DOCK1: variants seen among roughly 807,000 people sequenced by gnomAD.
DOCK1 encodes dedicator of cytokinesis protein 1.
In DOCK1, 138 loss-of-function variants were observed where a neutral mutation model predicts 262.7. That is an observed-to-expected ratio of 0.53 (90% CI 0.46 to 0.61). The LOEUF (loss-of-function observed/expected upper bound fraction) is 0.61, where lower values mean the gene tolerates loss of function less well. Ranked by LOEUF, DOCK1 falls within the 20% of genes least tolerant of loss-of-function variation. The probability of loss-of-function intolerance (pLI) is 0.00; values close to 1 mark genes in which losing one functional copy is unlikely to be tolerated. For synonymous variants in DOCK1, 866 were observed against 867.4 expected, an observed-to-expected ratio of 1.00 and a Z score of 0.03; for missense variants, 1,908 against 2,370.7, an observed-to-expected ratio of 0.80 and a Z score of 4.05.
chr10:127,319,596 G>A (rs2062430573), intron 29 of DOCK1, among the ~76,000 whole-genome samples: 1 of 152,180 alleles, frequency 6.6e-6, no homozygotes, highest in South Asian at 2.1e-4. Flanking sequence ...GTAAAATGTG[G>A]AGTTACATGG....
chr10:126,947,281 ATGG>A (rs1282281654), intron 1 of DOCK1, among the ~76,000 whole-genome samples: 15 of 141,428 alleles, frequency 1.1e-4, no homozygotes, highest in African/African-American at 3.1e-4. Context: ...GTTGGTGGTG[ATGG>A]TGGTGGTTGG....
chr10:127,257,274 AG>A, intron 28 of DOCK1, 60 bp from the exon 29 acceptor site: 1 of 1,298,508 alleles, frequency 7.7e-7, no homozygotes, highest in Non-Finnish European at 1.1e-6. Context: ...AATTGACAGG[AG>A]GGTATCATGT....
At position 127,162,715 on chromosome 10, in the gene DOCK1, C is replaced by T. The variant is rs188201171; in HGVS notation, c.2847+34951C>T. On this transcript the variant is annotated intron_variant, in intron 27 of 51. Coordinates refer to ENST00000623213, the MANE Select transcript of DOCK1 (RefSeq NM_001290223.2). ...AGTTATTTCTACTTAGTGTTCTAAT[C>T]ATAGACCTTAATGGACTTTGCTACA... is the stretch of plus-strand genomic sequence containing the variant. Among the ~76,000 whole-genome samples the T allele has an allele frequency of 1.9e-3, 294 of 152,270 alleles. 1 individual carries two copies. Among genetic ancestry groups the T allele is most frequent in the African/African-American group, 6.5e-3 (269 of 41,556 alleles).
chr10:127,346,525 G>A lies in DOCK1; in HGVS notation c.3224+2779G>A, dbSNP rs1042148009. ...GTGGGAGGATTTCTTGAGCCCAGGG[G>A]GTCGGGGCTGCAGTGAGCCATGATC... On this transcript the variant is annotated intron_variant, in intron 31 of 51. Coordinates refer to ENST00000623213, the MANE Select transcript of DOCK1 (RefSeq NM_001290223.2). Among the ~76,000 whole-genome samples, 5 of 152,276 alleles carry A rather than the reference G, an allele frequency of 3.3e-5. No homozygotes were observed. The East Asian group carries it at 9.7e-4, about 29-fold the overall frequency.
At chr10:126,985,827 G>A (rs1459244485) in intron 4 of DOCK1, among the ~76,000 whole-genome samples, 1 of 152,072 alleles carries the variant, frequency 6.6e-6, no homozygotes, top group Non-Finnish European at 1.5e-5. Context: ...CACTGATGGT[G>A]GCCCATGAAA....
Position 127,324,929 on chromosome 10 carries a change from TC to T in DOCK1, c.3045-14075del, listed in dbSNP as rs540870861. ...GGATAGTCATCTTAGGGAACCAGCA[TC>T]CTCCAGACCCACAGCTTCTTGCCAC... On this transcript the variant is annotated intron_variant, in intron 29 of 51. Transcript: ENST00000623213. Among the ~76,000 whole-genome samples, 382 of 152,194 alleles carry T rather than the reference TC, an allele frequency of 2.5e-3. 3 individuals carry two copies. The highest frequency in any genetic ancestry group is 4.3e-3 in the Admixed American group (66 of 15,286).
At chr10:127,397,716 G>A (rs748672321) in intron 38 of DOCK1, among the ~76,000 whole-genome samples, 8 of 146,860 alleles carry the variant, frequency 5.4e-5, no homozygotes, top group East Asian at 2.2e-4. Context: ...CCCGGGCAGC[G>A]ACTCCTGTGT....
chr10:127,287,762 G>GTC (rs59962841), intron 29 of DOCK1, among the ~76,000 whole-genome samples: 105,508 of 151,864 alleles, frequency 0.69, 37,837 homozygotes, highest in African/African-American at 0.88. Context: ...ATGTTTTTCT[G>GTC]TCTCTTATAA....
intron 46 of DOCK1, among the ~76,000 whole-genome samples, chr10:127,421,850 G>T (rs911386309): frequency 7.9e-5 from 12 of 152,156 alleles, no homozygotes; most frequent in Non-Finnish European, 2.9e-5. Flanking sequence ...GGGCTAGACC[G>T]CAATGTGTTT....
intron 32 of DOCK1, among the ~76,000 whole-genome samples, chr10:127,361,213 A>C (rs1462416775): frequency 7.1e-6 from 1 of 140,326 alleles, no homozygotes; most frequent in African/African-American, 2.7e-5. Flanking sequence ...TCCCAGGTTC[A>C]CGCCATTCTC....
chr10:127,112,666 G>C lies in DOCK1; in HGVS notation c.2623+2312G>C, dbSNP rs1010947534. On this transcript the variant is annotated intron_variant, in intron 25 of 51. Coordinates refer to ENST00000623213, the MANE Select transcript of DOCK1 (RefSeq NM_001290223.2). Reference sequence around the variant, plus strand: ...GCAAGTTGTACCCAATGTAGTAAATGAGGTTGTATGAAATATATGAATCCC... The same window carrying C: ...GCAAGTTGTACCCAATGTAGTAAATCAGGTTGTATGAAATATATGAATCCC... Among the ~76,000 whole-genome samples, 6 of 152,204 alleles carry C rather than the reference G, an allele frequency of 3.9e-5. No homozygotes were observed. The South Asian group carries it at 1.2e-3, about 32-fold the overall frequency.
intron 40 of DOCK1, 36 bp downstream of exon 40, chr10:127,404,465 G>T (rs2296630): frequency 0.23 from 363,550 of 1,586,706 alleles, 42,255 homozygotes; most frequent in South Asian, 0.25. Flanking sequence ...AGCCATGATT[G>T]TTCCCCCAGC....
intron 3 of DOCK1, among the ~76,000 whole-genome samples, chr10:126,978,930 C>A (rs1432160971): frequency 6.6e-6 from 1 of 152,094 alleles, no homozygotes; most frequent in Non-Finnish European, 1.5e-5. Context: ...AATGGGTCAT[C>A]CTCTCGCAAC....
chr10:127,197,420 CA>C (rs1197050505), intron 27 of DOCK1, among the ~76,000 whole-genome samples: 2 of 152,170 alleles, frequency 1.3e-5, no homozygotes, highest in Non-Finnish European at 2.9e-5. Context: ...GAGCTCAGAG[CA>C]GCAGACCCAG....
At chr10:127,153,695 G>C (rs1409703163) in intron 27 of DOCK1, among the ~76,000 whole-genome samples, 1 of 152,172 alleles carries the variant, frequency 6.6e-6, no homozygotes, top group Non-Finnish European at 1.5e-5. Context: ...TTGGGGTGGG[G>C]TATTTAGAGG....
At chr10:127,334,939 C>CT (rs2063130181) in intron 29 of DOCK1, among the ~76,000 whole-genome samples, 1 of 152,114 alleles carries the variant, frequency 6.6e-6, no homozygotes, top group Non-Finnish European at 1.5e-5. Context: ...TGAATCCCAC[C>CT]GCAGAAAACC....
At chr10:126,918,688 C>A (rs1247336798) in intron 1 of DOCK1, among the ~76,000 whole-genome samples, 1 of 152,096 alleles carries the variant, frequency 6.6e-6, no homozygotes, top group Non-Finnish European at 1.5e-5. Context: ...GGATGTCAAG[C>A]CAGGATGTCT....
At chr10:127,108,756 A>C (rs992792989) in intron 24 of DOCK1, among the ~76,000 whole-genome samples, 1 of 152,226 alleles carries the variant, frequency 6.6e-6, no homozygotes, top group Non-Finnish European at 1.5e-5. Context: ...CGCAGCATCT[A>C]TTATGTGCTT....
intron 24 of DOCK1, among the ~76,000 whole-genome samples, chr10:127,109,404 C>T (rs886951593): frequency 6.6e-6 from 1 of 152,144 alleles, no homozygotes; most frequent in Non-Finnish European, 1.5e-5. Context: ...TATTTACAAA[C>T]GATAAAGTCA....
Sources: allele counts gnomAD v4.1 joint callset (sites outside exome capture counted in the v4.1 genomes callset), GRCh38; gene constraint gnomAD v4.1.1; transcripts MANE v1.5; gene names NCBI Gene and HGNC (gene_info 2026-07-23, HGNC 2026-07-21).